Variants in TIAM1 observed in about 807,000 individuals in gnomAD.
The protein encoded by TIAM1 is rho guanine nucleotide exchange factor TIAM1.
Under a neutral mutation model 163.5 loss-of-function variants are expected in TIAM1, and 65 were observed. The ratio of observed to expected loss-of-function variants is 0.40; its 90% CI spans 0.33 to 0.49. TIAM1 has a LOEUF of 0.49. TIAM1 is among the 20% of genes least tolerant of loss of function. The pLI is 0.77. For missense variants in TIAM1, 1,789 were observed against 2,044.7 expected (o/e 0.87, Z 2.41); for synonymous variants, 833 against 810.1 (o/e 1.03, Z -0.48).
intron 14 of TIAM1, among the ~76,000 whole-genome samples, chr21:31,185,420 ATGTTATATAAT>A: frequency 2.2e-5 from 3 of 134,816 alleles, no homozygotes; most frequent in Non-Finnish European, 4.5e-5. Flanking sequence ...ATATATAATT[ATGTTATATAAT>A]TATATATAAT....
intron 2 of TIAM1, among the ~76,000 whole-genome samples, chr21:31,374,054 A>C (rs1258099070): frequency 2.6e-5 from 4 of 152,060 alleles, no homozygotes; most frequent in South Asian, 4.2e-4. Flanking sequence ...GTATCTGGGT[A>C]GCCCCTGAAA....
chr21:31,422,644 G>A (rs919074622), intron 2 of TIAM1, among the ~76,000 whole-genome samples: 8 of 152,046 alleles, frequency 5.3e-5, no homozygotes, highest in Admixed American at 5.2e-4. Flanking sequence ...TGATGCCTGC[G>A]CTCACACCAT....
chr21:31,176,431 C>A (rs927134580), intron 15 of TIAM1, among the ~76,000 whole-genome samples: 6 of 151,452 alleles, frequency 4.0e-5, no homozygotes, highest in Admixed American at 6.6e-5. Flanking sequence ...AAAAAAAAAA[C>A]CAAAACAGAT....
chr21:31,321,069 C>A (rs1417295230), intron 2 of TIAM1, among the ~76,000 whole-genome samples: 2 of 151,792 alleles, frequency 1.3e-5, no homozygotes, highest in African/African-American at 4.8e-5. Context: ...AGAGGATCAC[C>A]TGAGTCCAGG....
intron 2 of TIAM1, among the ~76,000 whole-genome samples, chr21:31,322,516 TG>T (rs940752131): frequency 1.6e-4 from 25 of 152,248 alleles, no homozygotes; most frequent in Non-Finnish European, 5.9e-5. Context: ...GACAGCAACT[TG>T]CCCCCTGGGC....
At chr21:31,512,187 C>T (rs749808518) in intron 1 of TIAM1, among the ~76,000 whole-genome samples, 7 of 152,076 alleles carry the variant, frequency 4.6e-5, no homozygotes, top group Non-Finnish European at 1.0e-4. Flanking sequence ...GCCTTGACCT[C>T]CTAGGTTGAA....
intron 1 of TIAM1, among the ~76,000 whole-genome samples, chr21:31,533,172 T>C (rs1003820203): frequency 6.6e-6 from 1 of 151,982 alleles, no homozygotes; most frequent in Non-Finnish European, 1.5e-5. Flanking sequence ...ACCACAAAAA[T>C]TAGCCAGGCA....
intron 2 of TIAM1, among the ~76,000 whole-genome samples, chr21:31,315,865 T>C (rs2075105609): frequency 6.6e-6 from 1 of 151,576 alleles, no homozygotes; most frequent in South Asian, 2.1e-4. Flanking sequence ...TAATCCCAGC[T>C]ATTCAGGAGG....
At position 31,149,197 on chromosome 21, in the gene TIAM1, G is replaced by T. The variant is rs146165488; in HGVS notation, c.3367-2194C>A. On this transcript the variant is annotated intron_variant, in intron 19 of 27. Coordinates refer to ENST00000541036, the MANE Select transcript of TIAM1 (RefSeq NM_001353694.2). ...ATATGAAGAGGGTCCCACTTATGTG[G>T]AATTGAGAAGAGTGATGGTTGAGTA... Among the ~76,000 whole-genome samples, 5 of 152,326 alleles carry T rather than the reference G, an allele frequency of 3.3e-5. No individual in the cohort carries two copies. In the East Asian group the frequency reaches 9.6e-4, roughly 29 times the overall value.
At chr21:31,534,983 G>A (rs1798184862) in intron 1 of TIAM1, among the ~76,000 whole-genome samples, 1 of 152,040 alleles carries the variant, frequency 6.6e-6, no homozygotes, top group Non-Finnish European at 1.5e-5. Context: ...CTGGCTACTT[G>A]GGAAGCTGAG....
chr21:31,410,148 A>C (rs533338939), intron 2 of TIAM1, among the ~76,000 whole-genome samples: 1 of 151,514 alleles, frequency 6.6e-6, no homozygotes, highest in African/African-American at 2.4e-5. Flanking sequence ...GTACATGTGA[A>C]AGAGCATATA....
intron 1 of TIAM1, among the ~76,000 whole-genome samples, chr21:31,466,019 T>C (rs898181937): frequency 6.6e-6 from 1 of 152,220 alleles, no homozygotes; most frequent in African/African-American, 2.4e-5. Context: ...TTACAGGTCT[T>C]GATATTCAGG....
In TIAM1 at chr21:31,228,234, A is replaced by AGG. The variant is rs1569068697; in HGVS notation, c.1585-2285_1585-2284insCC. Among the ~76,000 whole-genome samples the AGG allele has an allele frequency of 3.5e-3, 115 of 32,398 alleles. 1 individual carries two copies. Among genetic ancestry groups the AGG allele is most frequent in the African/African-American group, 0.011 (109 of 10,164 alleles). 21.3% of individuals were successfully genotyped at this position (32,398 alleles called of 152,430 possible). On this transcript the variant is annotated intron_variant, in intron 6 of 27. Coordinates refer to ENST00000541036, the MANE Select transcript of TIAM1 (RefSeq NM_001353694.2). The stretch of plus-strand genomic sequence containing the variant: ...CCTCCTTTTTTTAAAAAAAAAAAAA[A>AGG]AAAAAAAAAAAAAAAAAAAAAAAAA...
chr21:31,455,165 G>C (rs980377609), intron 2 of TIAM1, among the ~76,000 whole-genome samples: 1 of 151,102 alleles, frequency 6.6e-6, no homozygotes, highest in Non-Finnish European at 1.5e-5. Context: ...TGTAATCCCA[G>C]ATACTTGGGT....
At chr21:31,123,115 T>A (rs1233830859) in intron 27 of TIAM1, among the ~76,000 whole-genome samples, 3 of 152,254 alleles carry the variant, frequency 2.0e-5, no homozygotes, top group African/African-American at 7.2e-5. Flanking sequence ...AATTGTGGGC[T>A]GGTTTTGTTT....
At chr21:31,356,531 C>T (rs564482599) in intron 2 of TIAM1, among the ~76,000 whole-genome samples, 6 of 152,188 alleles carry the variant, frequency 3.9e-5, no homozygotes. Flanking sequence ...GAGATCGGAG[C>T]CCCCAGGATT....
chr21:31,340,019 T>C (rs1235887058), intron 1 of TIAM1, among the ~76,000 whole-genome samples: 1 of 152,062 alleles, frequency 6.6e-6, no homozygotes, highest in Non-Finnish European at 1.5e-5. Context: ...TCAATCTGTC[T>C]TCATTGAAAA....
chr21:31,306,298 A>G (rs1355894203), intron 2 of TIAM1, among the ~76,000 whole-genome samples: 1 of 152,138 alleles, frequency 6.6e-6, no homozygotes, highest in Non-Finnish European at 1.5e-5. Context: ...AAAAAAAATC[A>G]ATAAATAATA....
chr21:31,193,041 T>C (rs1224320374), intron 13 of TIAM1, among the ~76,000 whole-genome samples: 3 of 152,206 alleles, frequency 2.0e-5, no homozygotes, highest in African/African-American at 7.2e-5. Flanking sequence ...GCATGGATTT[T>C]CCTCACTTAA....
Sources: allele counts gnomAD v4.1 joint callset (sites outside exome capture counted in the v4.1 genomes callset), GRCh38; gene constraint gnomAD v4.1.1; transcripts MANE v1.5; gene names NCBI Gene and HGNC (gene_info 2026-07-23, HGNC 2026-07-21).